Variants in BSPRY observed in about 807,000 individuals in gnomAD.
BSPRY encodes the protein B-box and SPRY domain containing.
Under a neutral mutation model 38.0 loss-of-function variants are expected in BSPRY, and 33 were observed. That is an observed-to-expected ratio of 0.87 (90% CI 0.66 to 1.16). The LOEUF (loss-of-function observed/expected upper bound fraction) is 1.16. BSPRY is among the 50% of genes most tolerant of loss of function. The pLI, the probability that BSPRY is intolerant of heterozygous loss-of-function variation, is 0.00. For synonymous variants in BSPRY, 224 were observed against 228.5 expected, an observed-to-expected ratio of 0.98 and a Z score of 0.18; for missense variants, 523 against 533.2, an observed-to-expected ratio of 0.98 and a Z score of 0.19.
chr9:113,366,848 G>A (rs1195598358), intron 4 of BSPRY, among the ~76,000 whole-genome samples: 1 of 152,210 alleles, frequency 6.6e-6, no homozygotes, highest in Non-Finnish European at 1.5e-5. Context: ...TGACAGTCTT[G>A]CAAAGAGCCA....
chr9:113,350,458 C>T (rs990840005), intron 1 of BSPRY, among the ~76,000 whole-genome samples: 5 of 152,160 alleles, frequency 3.3e-5, no homozygotes, highest in East Asian at 3.8e-4. Context: ...TTCCCCTTCA[C>T]CCAGGCTTTC....
intron 2 of BSPRY, among the ~76,000 whole-genome samples, 193 bp from the exon 3 acceptor site, chr9:113,360,314 C>G (rs533171377): frequency 6.6e-6 from 1 of 152,282 alleles, no homozygotes; most frequent in East Asian, 1.9e-4. Flanking sequence ...TTTCTTTACC[C>G]TAAACCATAT....
intron 2 of BSPRY, 122 bp from the exon 3 acceptor site, chr9:113,360,385 C>T: frequency 1.1e-6 from 1 of 896,226 alleles, no homozygotes; most frequent in Non-Finnish European, 1.7e-6. Context: ...ATTTCCATTA[C>T]TAAGCCCGTG....
intron 5 of BSPRY, 91 bp downstream of exon 5, chr9:113,368,474 G>A (rs945228271): frequency 6.7e-7 from 1 of 1,497,002 alleles, no homozygotes; most frequent in African/African-American, 1.4e-5. Flanking sequence ...GGGGACCCGT[G>A]CTTCTGAGAT....
rs186782683 is a variant in BSPRY at position 113,353,245 on chromosome 9, A to G, written c.202-995A>G. Among the ~76,000 whole-genome samples the G allele has an allele frequency of 7.4e-3, 1,119 of 152,224 alleles. 18 individuals are homozygous for G. The highest frequency in any genetic ancestry group is 0.026 in the African/African-American group (1,069 of 41,532). ...TCTACAAAAAATGCAAAAAGTAGCC[A>G]GGTGTGGTGGCACGTGCCTGTAGTT... On this transcript the variant is annotated intron_variant, in intron 1 of 5. Transcript: ENST00000374183.
In BSPRY at chr9:113,361,534, A is replaced by T. The variant is rs544707450; in HGVS notation, c.531+797A>T. Among the ~76,000 whole-genome samples, 44 of 152,314 alleles carry T rather than the reference A, an allele frequency of 2.9e-4. 1 individual carries two copies. The South Asian group carries it at 8.1e-3, about 28-fold the overall frequency. ...GGAAGGATATGTGCTATGGTAGAGG[A>T]ACTCACCCATGCTAGGGACGGACAA... On this transcript the variant is annotated intron_variant, in intron 3 of 5. Transcript: ENST00000374183.
intron 1 of BSPRY, among the ~76,000 whole-genome samples, chr9:113,351,578 G>A (rs535533384): frequency 6.6e-6 from 1 of 152,256 alleles, no homozygotes; most frequent in African/African-American, 2.4e-5. Context: ...GATTTACAAG[G>A]GCTTCCTGGA....
intron 4 of BSPRY, among the ~76,000 whole-genome samples, chr9:113,366,160 C>A (rs182586066): frequency 6.6e-6 from 1 of 152,156 alleles, no homozygotes; most frequent in African/African-American, 2.4e-5. Context: ...TTTGCCCTCT[C>A]CCTTTCTACA....
intron 1 of BSPRY, among the ~76,000 whole-genome samples, chr9:113,352,452 A>G (rs1405610535): frequency 6.8e-6 from 1 of 147,918 alleles, no homozygotes; most frequent in African/African-American, 2.5e-5. Context: ...CTCTGAAGAG[A>G]TGACATCTGA....
chr9:113,370,410 TA>T lies in BSPRY; in HGVS notation c.*283del, dbSNP rs11351890. Reference sequence around the variant, plus strand: ...AATACACTAACGATAGCTGATGAGCTAAAAAAAAAAAAAAAGTCTGTGTATA... The same window carrying T: ...AATACACTAACGATAGCTGATGAGCTAAAAAAAAAAAAAAGTCTGTGTATA... On this transcript the variant is annotated 3_prime_UTR_variant, in exon 6 of 6. Coordinates refer to ENST00000374183, the MANE Select transcript of BSPRY (RefSeq NM_017688.3). The surrounding 1 kb of genome is among the most constrained non-coding windows in gnomAD (Gnocchi z 4.8). 67,639 of 226,274 alleles carry T rather than the reference TA, an allele frequency of 0.3. 5,115 individuals are homozygous for T. The highest frequency in any genetic ancestry group is 0.33 in the Middle Eastern group (246 of 746). 14.0% of individuals were successfully genotyped at this position (226,274 alleles called of 1,614,324 possible). A position where few individuals can be genotyped will look rare whatever the true frequency, so the allele number is the denominator to read the frequency against.
At chr9:113,352,093 G>A (rs1160200640) in intron 1 of BSPRY, among the ~76,000 whole-genome samples, 1 of 152,156 alleles carries the variant, frequency 6.6e-6, no homozygotes, top group African/African-American at 2.4e-5. Flanking sequence ...TTACAGGTGT[G>A]AGCCACCGTG....
In BSPRY at chr9:113,369,715, C is replaced by T. The variant is rs769258216; in HGVS notation, c.782C>T (p.Ala261Val). The change falls in exon 6 of 6, where the codon GCC becomes GTC. Residue 261 changes from alanine to valine, a missense_variant. Physicochemically the swap from Ala to Val is moderately conservative, Grantham distance 64 (BLOSUM62 0). Transcript: ENST00000374183. ...ACCTTCAGCACCAAGAAGTCAAAGG[C>T]CTGTGCAGATGGCCCGGAGCGCTTC... Reference protein sequence around the residue: ...TLTFSTKKSKACADGPERFDH... With the variant: ...TLTFSTKKSKVCADGPERFDH... The T allele has an allele frequency of 1.2e-6, 2 of 1,614,120 alleles. No individual in the cohort carries two copies. The highest frequency in any genetic ancestry group is 2.7e-5 in the African/African-American group (2 of 74,936).
At chr9:113,364,004 T>C (rs957023417) in intron 4 of BSPRY, among the ~76,000 whole-genome samples, 15 of 144,390 alleles carry the variant, frequency 1.0e-4, no homozygotes, top group African/African-American at 3.0e-4. Context: ...GCCTGGCCAA[T>C]ATGGCGAAAG....
chr9:113,353,064 G>A (rs982287969), intron 1 of BSPRY, among the ~76,000 whole-genome samples: 2 of 152,188 alleles, frequency 1.3e-5, no homozygotes, highest in African/African-American at 4.8e-5. Context: ...TGAGTATGAC[G>A]GAGGACCAAG....
chr9:113,362,509 G>A (rs1049365752), intron 4 of BSPRY, 115 bp downstream of exon 4: 8 of 1,163,902 alleles, frequency 6.9e-6, no homozygotes, highest in African/African-American at 4.6e-5. Context: ...GTGCAGCTGA[G>A]TGGCTTTTCT....
At chr9:113,352,750 G>T (rs1833992010) in intron 1 of BSPRY, among the ~76,000 whole-genome samples, 1 of 152,172 alleles carries the variant, frequency 6.6e-6, no homozygotes, top group African/African-American at 2.4e-5. Context: ...ACAAAAGGTG[G>T]CTCTGGCTAG....
At chr9:113,366,539 C>T (rs1481693475) in intron 4 of BSPRY, among the ~76,000 whole-genome samples, 1 of 152,154 alleles carries the variant, frequency 6.6e-6, no homozygotes, top group Non-Finnish European at 1.5e-5. Context: ...GTGTTCAGGC[C>T]CTTTTTCATT....
At chr9:113,362,837 T>C (rs1486451518) in intron 4 of BSPRY, among the ~76,000 whole-genome samples, 1 of 152,202 alleles carries the variant, frequency 6.6e-6, no homozygotes, top group Non-Finnish European at 1.5e-5. Context: ...AACTTAAGTC[T>C]GCATTACCAT....
At chr9:113,351,623 T>C (rs902699099) in intron 1 of BSPRY, among the ~76,000 whole-genome samples, 18 of 152,192 alleles carry the variant, frequency 1.2e-4, no homozygotes, top group Non-Finnish European at 2.5e-4. Context: ...CAGATGGAAC[T>C]GAGGCAGAAC....
Sources: allele counts gnomAD v4.1 joint callset (sites outside exome capture counted in the v4.1 genomes callset), GRCh38; gene constraint gnomAD v4.1.1; non-coding constraint Gnocchi (gnomAD v3.1); transcripts MANE v1.5; gene names NCBI Gene and HGNC (gene_info 2026-07-23, HGNC 2026-07-21).